MDFIC2: variants seen among roughly 807,000 people sequenced by gnomAD.
MDFIC2 encodes myoD family inhibitor domain-containing protein 2.
At chr3:70,225,971 G>GACAGGAT (rs1024627824) in intron 2 of MDFIC2, among the ~76,000 whole-genome samples, 3 of 152,090 alleles carry the variant, frequency 2.0e-5, no homozygotes, top group Non-Finnish European at 4.4e-5. Context: ...TAACAATGTA[G>GACAGGAT]ACAGGATGAG....
chr3:70,238,999 T>C (rs964957715), intron 2 of MDFIC2, among the ~76,000 whole-genome samples: 1 of 152,194 alleles, frequency 6.6e-6, no homozygotes, highest in African/African-American at 2.4e-5. Context: ...AGAGTGGAAA[T>C]GTTTAATTTT....
chr3:70,292,698 T>C (rs1702250258), intron 2 of MDFIC2, among the ~76,000 whole-genome samples: 1 of 152,030 alleles, frequency 6.6e-6, no homozygotes, highest in African/African-American at 2.4e-5. Context: ...TCTTTTTTGA[T>C]GTACACATAC....
intron 2 of MDFIC2, among the ~76,000 whole-genome samples, chr3:70,287,563 C>T (rs1702179077): frequency 6.6e-6 from 1 of 151,992 alleles, no homozygotes; most frequent in African/African-American, 2.4e-5. Context: ...CAGAATGATG[C>T]TGGCCTCATA....
intron 2 of MDFIC2, among the ~76,000 whole-genome samples, chr3:70,282,210 T>C (rs1183654240): frequency 1.3e-5 from 2 of 152,116 alleles, no homozygotes; most frequent in Non-Finnish European, 2.9e-5. Flanking sequence ...TTCCTGGCAG[T>C]ATTTGCTGTC....
Position 70,194,940 on chromosome 3 carries a change from A to T in MDFIC2, c.*1986T>A, listed in dbSNP as rs1255316750. 1.3e-5 allele frequency among the ~76,000 whole-genome samples: 2 copies of T among 152,160 alleles called. No homozygotes were observed. The highest frequency in any genetic ancestry group is 4.8e-5 in the African/African-American group (2 of 41,442). The stretch of plus-strand genomic sequence containing the variant: ...GAGGGATGGGACATAAGGAAGCACT[A>T]GGAGGTGCAAGGAAACAACTGTTGA... On this transcript the variant is annotated 3_prime_UTR_variant, in exon 4 of 4. Transcript: ENST00000567252.
intron 2 of MDFIC2, among the ~76,000 whole-genome samples, chr3:70,269,427 G>A (rs1367527968): frequency 6.6e-6 from 1 of 152,186 alleles, no homozygotes; most frequent in Non-Finnish European, 1.5e-5. Flanking sequence ...ATCAAAGGCA[G>A]TCAACTGTTC....
intron 2 of MDFIC2, among the ~76,000 whole-genome samples, chr3:70,252,807 C>A (rs192859575): frequency 6.6e-6 from 1 of 152,086 alleles, no homozygotes; most frequent in African/African-American, 2.4e-5. Flanking sequence ...AGGCCAGGCG[C>A]GGTGGCTCAT....
chr3:70,234,639 CA>C (rs34609524), intron 2 of MDFIC2, among the ~76,000 whole-genome samples: 13,489 of 118,600 alleles, frequency 0.11, 929 homozygotes, highest in African/African-American at 0.24. Context: ...GACCCTGGCT[CA>C]AAAAAAAAAA....
intron 2 of MDFIC2, among the ~76,000 whole-genome samples, chr3:70,294,901 G>A (rs28483404): frequency 6.6e-6 from 1 of 151,890 alleles, no homozygotes; most frequent in South Asian, 2.1e-4. Context: ...CATCTTAAAG[G>A]AGCCAATGAT....
At chr3:70,245,358 T>C (rs977025756) in intron 2 of MDFIC2, among the ~76,000 whole-genome samples, 1 of 151,986 alleles carries the variant, frequency 6.6e-6, no homozygotes, top group Non-Finnish European at 1.5e-5. Flanking sequence ...TAACAAAATA[T>C]TAGAATATTA....
chr3:70,208,521 G>C (rs1391357864), intron 2 of MDFIC2, among the ~76,000 whole-genome samples: 1 of 152,020 alleles, frequency 6.6e-6, no homozygotes, highest in Admixed American at 6.6e-5. Context: ...TTAAAGCTCT[G>C]GTATTCCCCT....
chr3:70,217,382 A>G (rs1701425620), intron 2 of MDFIC2, among the ~76,000 whole-genome samples: 1 of 152,112 alleles, frequency 6.6e-6, no homozygotes, highest in African/African-American at 2.4e-5. Flanking sequence ...ATAGAAAAGG[A>G]CCTATTGAAT....
chr3:70,253,533 T>A (rs1701788649), intron 2 of MDFIC2, among the ~76,000 whole-genome samples: 1 of 152,164 alleles, frequency 6.6e-6, no homozygotes, highest in Admixed American at 6.5e-5. Flanking sequence ...ATAGGAAGCC[T>A]GAGCAACATA....
At chr3:70,294,842 G>A (rs746929225) in intron 2 of MDFIC2, among the ~76,000 whole-genome samples, 5 of 152,018 alleles carry the variant, frequency 3.3e-5, no homozygotes, top group Non-Finnish European at 7.4e-5. Context: ...CAAGCATCAC[G>A]TAGCAATTTG....
At chr3:70,267,678 A>C (rs13079215) in intron 2 of MDFIC2, among the ~76,000 whole-genome samples, 60,236 of 149,890 alleles carry the variant, frequency 0.4, 13,270 homozygotes, top group Non-Finnish European at 0.51. Flanking sequence ...GGCCTCCCAG[A>C]GTGCTGGGAT....
intron 2 of MDFIC2, among the ~76,000 whole-genome samples, chr3:70,243,468 C>T (rs925766773): frequency 6.6e-6 from 1 of 152,190 alleles, no homozygotes; most frequent in Non-Finnish European, 1.5e-5. Context: ...ATCCTACTCA[C>T]TGCACTGCTG....
chr3:70,213,190 C>CTA (rs1299249212), intron 2 of MDFIC2, among the ~76,000 whole-genome samples: 1 of 152,006 alleles, frequency 6.6e-6, no homozygotes, highest in East Asian at 1.9e-4. Flanking sequence ...CCAGGCTGGA[C>CTA]TAGAGCTCCT....
At chr3:70,272,114 C>T (rs775689968) in intron 2 of MDFIC2, 1 of 152,120 alleles carries the variant, frequency 6.6e-6, no homozygotes, top group Non-Finnish European at 1.5e-5. Context: ...TATCACATGC[C>T]CAGAGTTGCT....
intron 2 of MDFIC2, among the ~76,000 whole-genome samples, chr3:70,277,342 A>T (rs1702037665): frequency 6.6e-6 from 1 of 152,130 alleles, no homozygotes; most frequent in Admixed American, 6.6e-5. Context: ...TGTAAACGGA[A>T]ATATCTGTTA....
Sources: gnomAD v4.1 joint callset for allele counts (sites outside exome capture counted in the v4.1 genomes callset) on GRCh38, gnomAD v4.1.1 for gene constraint, MANE v1.5 for transcripts, NCBI Gene and HGNC (gene_info 2026-07-23, HGNC 2026-07-21) for gene names.